CTNND2: variants seen among roughly 807,000 people sequenced by gnomAD.
CTNND2 encodes catenin delta-2.
CTNND2 carries 22 observed loss-of-function variants against 144.4 expected under a neutral mutation model. That is an observed-to-expected ratio of 0.15 (90% CI 0.11 to 0.22). The LOEUF (loss-of-function observed/expected upper bound fraction) is 0.22. Among genes scored for constraint, CTNND2 ranks in the 10% least tolerant of loss-of-function variants. The pLI is 1.00. For missense variants in CTNND2, 1,353 were observed against 1,618.8 expected (o/e 0.84, Z 2.82); for synonymous variants, 751 against 695.6 (o/e 1.08, Z -1.25).
chr5:11,596,969 C>T (rs928482927), intron 2 of CTNND2, among the ~76,000 whole-genome samples: 1 of 152,144 alleles, frequency 6.6e-6, no homozygotes, highest in South Asian at 2.1e-4. Context: ...AACAAGCTCT[C>T]ATTTGTTCTT....
At chr5:11,320,181 A>G (rs1039708749) in intron 9 of CTNND2, among the ~76,000 whole-genome samples, 2 of 152,224 alleles carry the variant, frequency 1.3e-5, no homozygotes, top group African/African-American at 4.8e-5. Flanking sequence ...AATTAAATCG[A>G]TGCTCAAATA....
At chr5:11,249,282 A>T (rs1028397513) in intron 9 of CTNND2, among the ~76,000 whole-genome samples, 1 of 152,202 alleles carries the variant, frequency 6.6e-6, no homozygotes, top group Non-Finnish European at 1.5e-5. Context: ...TCAGGATCAC[A>T]CCTGTGTTTG....
At chr5:11,107,620 C>G (rs921050327) in intron 14 of CTNND2, among the ~76,000 whole-genome samples, 11 of 152,220 alleles carry the variant, frequency 7.2e-5, no homozygotes, top group African/African-American at 2.7e-4. Flanking sequence ...TTGACACATA[C>G]ACATATACCT....
At chr5:11,266,453 C>T (rs774477776) in intron 9 of CTNND2, among the ~76,000 whole-genome samples, 69 of 152,166 alleles carry the variant, frequency 4.5e-4, no homozygotes, top group Non-Finnish European at 8.2e-4. Flanking sequence ...GTGCCACAGA[C>T]AAATAGAGTT....
chr5:11,200,839 C>T (rs146958150), intron 10 of CTNND2, among the ~76,000 whole-genome samples: 25 of 152,116 alleles, frequency 1.6e-4, no homozygotes, highest in African/African-American at 5.1e-4. Context: ...CCACCACGCC[C>T]GGCTATTTTT....
At chr5:11,322,165 G>A (rs1368045678) in intron 9 of CTNND2, among the ~76,000 whole-genome samples, 3 of 151,986 alleles carry the variant, frequency 2.0e-5, no homozygotes, top group African/African-American at 2.4e-5. Context: ...TTCTTCAATT[G>A]CCTCATGCAG....
intron 15 of CTNND2, chr5:11,083,888 A>G: frequency 1.8e-6 from 2 of 1,128,458 alleles, no homozygotes; most frequent in Non-Finnish European, 2.2e-6. Context: ...CACCTGTGGC[A>G]GGCAGGGAGC....
intron 2 of CTNND2, among the ~76,000 whole-genome samples, chr5:11,711,248 G>C (rs1226459722): frequency 6.6e-6 from 1 of 151,862 alleles, no homozygotes; most frequent in Non-Finnish European, 1.5e-5. Context: ...CAGAGACGGG[G>C]TTTCACCATG....
chr5:11,390,351 G>A (rs1348671566), intron 6 of CTNND2, among the ~76,000 whole-genome samples: 2 of 152,154 alleles, frequency 1.3e-5, no homozygotes, highest in African/African-American at 4.8e-5. Context: ...AATCTTCTAT[G>A]GAGGGAGTAG....
chr5:11,298,972 A>C (rs1477201809), intron 9 of CTNND2, among the ~76,000 whole-genome samples: 1 of 151,942 alleles, frequency 6.6e-6, no homozygotes, highest in East Asian at 1.9e-4. Flanking sequence ...GCTGGTAAAT[A>C]TATTTACTTG....
intron 10 of CTNND2, among the ~76,000 whole-genome samples, chr5:11,202,212 T>A (rs1737517026): frequency 6.6e-6 from 1 of 152,204 alleles, no homozygotes; most frequent in Admixed American, 6.5e-5. Context: ...ATGTTATAAT[T>A]AATATTCCTA....
At chr5:11,093,760 G>T (rs374303520) in intron 15 of CTNND2, among the ~76,000 whole-genome samples, 1 of 152,100 alleles carries the variant, frequency 6.6e-6, no homozygotes, top group East Asian at 1.9e-4. Flanking sequence ...TTGAATTCTA[G>T]ATTTCAGATG....
chr5:10,999,572 G>A (rs565831417), intron 18 of CTNND2, among the ~76,000 whole-genome samples: 3 of 152,150 alleles, frequency 2.0e-5, no homozygotes, highest in South Asian at 2.1e-4. Flanking sequence ...ACTATCTGTC[G>A]TTCACCTTCA....
chr5:11,241,099 C>T (rs558566379), intron 9 of CTNND2, among the ~76,000 whole-genome samples: 18 of 151,374 alleles, frequency 1.2e-4, no homozygotes, highest in Non-Finnish European at 2.5e-4. Context: ...AATACACACA[C>T]CCAACATGTA....
At chr5:11,484,479 GAC>G (rs1165079794) in intron 3 of CTNND2, among the ~76,000 whole-genome samples, 5 of 152,146 alleles carry the variant, frequency 3.3e-5, no homozygotes, top group Non-Finnish European at 7.3e-5. Flanking sequence ...TCCCTTTAGA[GAC>G]AGCACATTTC....
chr5:11,686,561 C>T (rs1784652532), intron 2 of CTNND2, among the ~76,000 whole-genome samples: 1 of 151,840 alleles, frequency 6.6e-6, no homozygotes, highest in Non-Finnish European at 1.5e-5. Context: ...TATGTGTGAG[C>T]TCCAAAAAGG....
At position 11,236,761 on chromosome 5, in the gene CTNND2, G is replaced by A; in HGVS notation, c.1691C>T (p.Pro564Leu). 6.2e-7 allele frequency: 1 copy of A among 1,614,140 alleles called. No homozygotes were observed. The highest frequency in any genetic ancestry group is 8.5e-7 in the Non-Finnish European group (1 of 1,180,018). The stretch of plus-strand genomic sequence containing the variant: ...GGCTGCCGCGTTAGACTGGACCGAG[G>A]GAAACTGGTGCTGCAACATCTGAAT... ...EVIQMLQHQF[P>L]SVQSNAAAYL... The change falls in exon 10 of 22, where the codon CCC becomes CTC. Residue 564 changes from proline to leucine, a missense_variant. By Grantham distance (98) the Pro-to-Leu change is moderately conservative (BLOSUM62 -3). Transcript: ENST00000304623.
Position 10,973,357 on chromosome 5 carries a change from CA to C in CTNND2, c.*95del, listed in dbSNP as rs1432700383. The C allele has an allele frequency of 2.9e-6, 4 of 1,364,942 alleles. No homozygotes were observed. Among genetic ancestry groups the C allele is most frequent in the Non-Finnish European group, 3.9e-6 (4 of 1,023,986 alleles). 84.6% of individuals were successfully genotyped at this position (1,364,942 alleles called of 1,614,324 possible). ...AGCCTTCCTATGGAACAGGCTTTAA[CA>C]AACTAAATTTGCAGGAGAAAAAAAC... On this transcript the variant is annotated 3_prime_UTR_variant, in exon 22 of 22. Coordinates refer to ENST00000304623, the MANE Select transcript of CTNND2 (RefSeq NM_001332.4). This position sits in a 1 kb window ranked among gnomAD's most constrained non-coding sequence, Gnocchi z 5.6.
At position 11,281,864 on chromosome 5, in the gene CTNND2, T is replaced by TC. The variant is rs1185446803; in HGVS notation, c.1629-45042dup. 2.0e-5 allele frequency among the ~76,000 whole-genome samples: 3 copies of TC among 152,228 alleles called. No individual in the cohort carries two copies. In the East Asian group the frequency reaches 5.8e-4, roughly 29 times the overall value. ...TTAAATGGCCCATCTCTAATTACAG[T>TC]CATATTCTGAGGTACTGGGGGTTAA... On this transcript the variant is annotated intron_variant, in intron 9 of 21. Coordinates refer to ENST00000304623, the MANE Select transcript of CTNND2 (RefSeq NM_001332.4).
Sources: gnomAD v4.1 joint callset for allele counts (sites outside exome capture counted in the v4.1 genomes callset) on GRCh38, gnomAD v4.1.1 for gene constraint, Gnocchi (gnomAD v3.1) non-coding constraint, MANE v1.5 for transcripts, NCBI Gene and HGNC (gene_info 2026-07-23, HGNC 2026-07-21) for gene names.